Variants in IRX4 observed in about 807,000 individuals in gnomAD.
IRX4 encodes the protein iroquois homeobox 4, also known as iroquois-class homeodomain protein IRX-4.
In IRX4, 22 loss-of-function variants were observed where a neutral mutation model predicts 32.0. The observed-to-expected ratio is 0.69, with a 90% CI of 0.49 to 0.98. IRX4 has a LOEUF of 0.98. IRX4 is among the 50% of genes least tolerant of loss of function. The pLI, the probability that IRX4 is intolerant of heterozygous loss-of-function variation, is 0.00. For synonymous variants in IRX4, 379 were observed against 351.7 expected, an observed-to-expected ratio of 1.08 and a Z score of -0.87; for missense variants, 840 against 744.2, an observed-to-expected ratio of 1.13 and a Z score of -1.50.
chr5:1,880,215 T>C, intron 3 of IRX4: 2 of 1,261,462 alleles, frequency 1.6e-6, no homozygotes, highest in Non-Finnish European at 2.2e-6. Flanking sequence ...GGAAGGGTCA[T>C]TACTGCCCAG....
At chr5:1,884,160 A>T (rs1735555214), upstream of IRX4, 1 of 152,144 alleles carries the variant, frequency 6.6e-6, no homozygotes, top group Non-Finnish European at 1.5e-5. Flanking sequence ...CTTCTGCGCC[A>T]TCGCCCTCCG....
chr5:1,885,470 T>C (rs907015837), upstream of IRX4, among the ~76,000 whole-genome samples: 1 of 152,182 alleles, frequency 6.6e-6, no homozygotes, highest in African/African-American at 2.4e-5. Flanking sequence ...CTGAATCGGC[T>C]TTCCCAGGCC....
chr5:1,880,626 C>T (rs915890865), intron 3 of IRX4, 99 bp downstream of exon 3: 9 of 823,068 alleles, frequency 1.1e-5, no homozygotes, highest in African/African-American at 5.0e-5. Context: ...TCCTGCCTCC[C>T]GCCTTCCAGA....
chr5:1,882,906 G>T lies in IRX4; in HGVS notation c.-259C>A. 2 of 328,588 alleles carry T rather than the reference G, an allele frequency of 6.1e-6. No homozygotes were observed. The highest frequency in any genetic ancestry group is 1.1e-5 in the Non-Finnish European group (2 of 184,476). The allele number at this position is 328,588 out of a possible 1,614,324, so 20.4% of individuals were successfully genotyped here. A position where few individuals can be genotyped will look rare whatever the true frequency, so the allele number is the denominator to read the frequency against. ...TGGGACCGAGCGGCCTCGCAGCGGC[G>T]ACAGAAATACATATTTTACGAAAAA... On this transcript the variant is annotated 5_prime_UTR_variant, in exon 1 of 5. Coordinates refer to ENST00000231357, the MANE Select transcript of IRX4 (RefSeq NM_016358.3).
At position 1,877,611 on chromosome 5, in the gene IRX4, A is replaced by C. The variant is rs1203969730; in HGVS notation, c.*358T>G. 16 of 284,084 alleles carry C rather than the reference A, an allele frequency of 5.6e-5. No homozygotes were observed. The allele number at this position is 284,084 out of a possible 1,614,324, so 17.6% of individuals were successfully genotyped here. ...AAATCGGAGGCCCGACAGGCCCAGG[A>C]GGCCTCACGCCCAGGGGACAGCAGA... On this transcript the variant is annotated 3_prime_UTR_variant, in exon 5 of 5. Coordinates refer to ENST00000231357, the MANE Select transcript of IRX4 (RefSeq NM_016358.3).
chr5:1,884,802 C>G (rs1296104731), upstream of IRX4, among the ~76,000 whole-genome samples: 3 of 152,162 alleles, frequency 2.0e-5, no homozygotes, highest in African/African-American at 7.2e-5. Context: ...TCCCTCTCCT[C>G]CTGCTCCTCC....
At chr5:1,886,273 G>A (rs1158530681), upstream of IRX4, among the ~76,000 whole-genome samples, 1 of 152,258 alleles carries the variant, frequency 6.6e-6, no homozygotes, top group Admixed American at 6.5e-5. Context: ...TCCGGAGGGA[G>A]CTCCTTCCAG....
In IRX4 at chr5:1,877,513, T is replaced by G; in HGVS notation, c.*456A>C. 1 of 161,792 alleles carries G rather than the reference T, an allele frequency of 6.2e-6. No individual in the cohort carries two copies. Among genetic ancestry groups the G allele is most frequent in the African/African-American group, 2.4e-5 (1 of 41,790 alleles). The allele number at this position is 161,792 out of a possible 1,614,324, so 10.0% of individuals were successfully genotyped here. A position where few individuals can be genotyped will look rare whatever the true frequency, so the allele number is the denominator to read the frequency against. ...TGAACATACATCTTAAAAAGCATCA[T>G]ATTATGGAGTCAAGAGTGTGCAAGA... On this transcript the variant is annotated 3_prime_UTR_variant, in exon 5 of 5. Transcript: ENST00000231357.
chr5:1,882,002 C>T lies in IRX4; in HGVS notation c.103G>A (p.Ala35Thr). 6.5e-7 allele frequency: 1 copy of T among 1,548,304 alleles called. No homozygotes were observed. The highest frequency in any genetic ancestry group is 2.0e-5 in the Admixed American group (1 of 50,566). Residue 35 changes from alanine (A) to threonine (T), a missense_variant, in exon 2 of 5, where the codon GCG becomes ACG. Physicochemically the swap from Ala to Thr is moderately conservative, Grantham distance 58. Transcript: ENST00000231357. ...TCCESGGRTLADSGPAASAQA... is the reference protein window; with the variant it reads ...TCCESGGRTLTDSGPAASAQA... ...GCCGAGGCGGCGGGCCCGGAGTCCGCCAGCGTGCGGCCTCCGGACTCGCAG... is the reference window on the plus strand; with the variant it reads ...GCCGAGGCGGCGGGCCCGGAGTCCGTCAGCGTGCGGCCTCCGGACTCGCAG...
intron 2 of IRX4, 91 bp from the exon 3 acceptor site, chr5:1,880,925 G>T: frequency 1.0e-6 from 1 of 1,000,050 alleles, no homozygotes. Flanking sequence ...CCAAAGGCTT[G>T]GCAAGGATTC....
At chr5:1,886,673 G>T (rs1011941999), upstream of IRX4, among the ~76,000 whole-genome samples, 2 of 152,050 alleles carry the variant, frequency 1.3e-5, no homozygotes, top group African/African-American at 2.4e-5. Flanking sequence ...CCGTCCGGGC[G>T]TCCAGGACTC....
chr5:1,881,480 G>C (rs1412611225), intron 2 of IRX4, among the ~76,000 whole-genome samples: 1 of 151,920 alleles, frequency 6.6e-6, no homozygotes, highest in East Asian at 1.9e-4. Context: ...GCGGGGAGAG[G>C]AGAATGGGGT....
In IRX4 at chr5:1,878,294, G is replaced by A; in HGVS notation, c.1235C>T (p.Thr412Met). The A allele has an allele frequency of 1.3e-6, 2 of 1,587,764 alleles. No individual in the cohort carries two copies. Among genetic ancestry groups the A allele is most frequent in the Non-Finnish European group, 1.7e-6 (2 of 1,167,966 alleles). Residue 412 changes from threonine to methionine, a missense_variant, in exon 5 of 5, where the codon ACG becomes ATG. Coordinates refer to ENST00000231357, the MANE Select transcript of IRX4 (RefSeq NM_016358.3). ...GTGGGGAAGGGCCACAGACGGGGAC[G>A]TGGCGGGCGCGGAGGACACAGCCGC... is the stretch of plus-strand genomic sequence containing the variant. ...APAAVSSAPA[T>M]SPSVALPHSG...
chr5:1,879,399 C>A, intron 4 of IRX4, 105 bp downstream of exon 4: 1 of 1,556,328 alleles, frequency 6.4e-7, no homozygotes, highest in Non-Finnish European at 8.7e-7. Context: ...ACCGCCTAGG[C>A]ATGGGGCTCG....
intron 2 of IRX4, among the ~76,000 whole-genome samples, chr5:1,881,523 G>A (rs1236169709): frequency 6.6e-6 from 1 of 151,690 alleles, no homozygotes; most frequent in Non-Finnish European, 1.5e-5. Flanking sequence ...TACCAGGAGG[G>A]AAGAAGCGGG....
upstream of IRX4, chr5:1,883,998 A>C (rs994621925): frequency 2.6e-5 from 4 of 152,246 alleles, no homozygotes; most frequent in Non-Finnish European, 5.9e-5. Context: ...GGGCGCACGG[A>C]GCAATCGGAA....
chr5:1,879,971 GCCCAGGTAGGA>G, intron 3 of IRX4, 139 bp from the exon 4 acceptor site: 5 of 1,501,412 alleles, frequency 3.3e-6, no homozygotes, highest in Middle Eastern at 1.9e-4. Context: ...TGGTCATAAG[GCCCAGGTAGGA>G]CCCGAGCCCC....
In IRX4 at chr5:1,880,797, T is replaced by G. The variant is rs900725039; in HGVS notation, c.335A>C (p.His112Pro). The G allele has an allele frequency of 2.5e-6, 4 of 1,613,518 alleles. No individual in the cohort carries two copies. Among genetic ancestry groups the G allele is most frequent in the Non-Finnish European group, 3.4e-6 (4 of 1,179,976 alleles). Reference protein sequence around the residue: ...FDSKDGSGSAHGGLAPAAAAY... With the variant: ...FDSKDGSGSAPGGLAPAAAAY... The stretch of plus-strand genomic sequence containing the variant: ...GGCAGCGGCTGGTGCCAGGCCCCCA[T>G]GCGCAGATCCCGAACCATCCTTGGA... Residue 112 changes from histidine to proline, a missense_variant, in exon 3 of 5, where the codon CAT (histidine) becomes CCT (proline). This residue lies in a region of IRX4 where 241 missense variants were observed against 220.8 expected (regional missense o/e 1.09). Transcript: ENST00000231357.
At chr5:1,880,175 C>G in intron 3 of IRX4, 1 of 1,506,298 alleles carries the variant, frequency 6.6e-7, no homozygotes, top group Non-Finnish European at 8.9e-7. Context: ...GACAGGTAAG[C>G]CCACACCCTG....
Sources: allele counts gnomAD v4.1 joint callset (sites outside exome capture counted in the v4.1 genomes callset), GRCh38; gene constraint gnomAD v4.1.1; regional missense constraint gnomAD v4.1.1; transcripts MANE v1.5; gene names NCBI Gene and HGNC (gene_info 2026-07-23, HGNC 2026-07-21).